Variants in DMP1 observed in about 807,000 individuals in gnomAD.
DMP1 encodes dentin matrix acidic phosphoprotein 1.
Under a neutral mutation model 14.6 loss-of-function variants are expected in DMP1, and 20 were observed. That is an observed-to-expected ratio of 1.37 (90% CI 0.96 to 1.99). The LOEUF (loss-of-function observed/expected upper bound fraction) is 1.99, where lower values mean the gene tolerates loss of function less well. Ranked by LOEUF, DMP1 falls within the 30% of genes most tolerant of loss-of-function variation. DMP1 has a pLI of 0.00. For synonymous variants in DMP1, 197 were observed against 215.3 expected, an observed-to-expected ratio of 0.91 and a Z score of 0.75; for missense variants, 567 against 620.5, an observed-to-expected ratio of 0.91 and a Z score of 0.92.
chr4:87,656,637 G>A (rs961740147), intron 2 of DMP1, 91 bp downstream of exon 2: 88 of 854,492 alleles, frequency 1.0e-4, no homozygotes, highest in Non-Finnish European at 1.6e-4. Flanking sequence ...GGCTGTGTAT[G>A]TTCCAGTCCA....
intron 1 of DMP1, among the ~76,000 whole-genome samples, chr4:87,655,006 C>T (rs1362821218): frequency 6.6e-6 from 1 of 152,090 alleles, no homozygotes; most frequent in African/African-American, 2.4e-5. Flanking sequence ...AGCCTTTTAT[C>T]CTTGTAGCTA....
At chr4:87,653,404 T>TA (rs1728579821) in intron 1 of DMP1, among the ~76,000 whole-genome samples, 1 of 101,076 alleles carries the variant, frequency 9.9e-6, no homozygotes, top group Non-Finnish European at 2.1e-5. Flanking sequence ...TATATATATA[T>TA]ATATATATAT....
chr4:87,662,988 G>A lies in DMP1; in HGVS notation c.1210G>A (p.Ala404Thr). 1 of 1,614,218 alleles carries A rather than the reference G, an allele frequency of 6.2e-7. No individual in the cohort carries two copies. The highest frequency in any genetic ancestry group is 2.2e-5 in the East Asian group (1 of 44,870). Residue 404 changes from alanine (A) to threonine (T), a missense_variant, in exon 6 of 6, where the codon GCA becomes ACA. Coordinates refer to ENST00000339673, the MANE Select transcript of DMP1 (RefSeq NM_004407.4). ...HSKSESREEQADSESSESLNF... is the reference protein window; with the variant it reads ...HSKSESREEQTDSESSESLNF... ...AAAAAGTGAATCCAGAGAGGAGCAA[G>A]CAGACAGCGAATCCAGTGAGAGCCT...
Position 87,663,483 on chromosome 4 carries a change from A to G in DMP1, c.*163A>G. 1 of 1,027,630 alleles carries G rather than the reference A, an allele frequency of 9.7e-7. No individual in the cohort carries two copies. The highest frequency in any genetic ancestry group is 1.4e-6 in the Non-Finnish European group (1 of 693,280). 63.7% of individuals were successfully genotyped at this position (1,027,630 alleles called of 1,614,324 possible). ...ACATTACACTTGTTTTTAGGGTGTC[A>G]TCATTTCACAGAGGTTTAAATACTG... On this transcript the variant is annotated 3_prime_UTR_variant, in exon 6 of 6. Coordinates refer to ENST00000339673, the MANE Select transcript of DMP1 (RefSeq NM_004407.4).
At position 87,656,268 on chromosome 4, in the gene DMP1, T is replaced by C. The variant is rs577096503; in HGVS notation, c.-21-204T>C. Among the ~76,000 whole-genome samples, 9 of 152,344 alleles carry C rather than the reference T, an allele frequency of 5.9e-5. No homozygotes were observed. The South Asian group carries it at 1.9e-3, about 32-fold the overall frequency. ...TTCACTTAGCATAGTGTTCTCAAGT[T>C]TCCTCTACTCTGCAGCACATGTCAG... On this transcript the variant is annotated intron_variant, in intron 1 of 5. Transcript: ENST00000339673.
chr4:87,660,267 T>C (rs1250597019), intron 5 of DMP1, among the ~76,000 whole-genome samples: 1 of 152,232 alleles, frequency 6.6e-6, no homozygotes, highest in Non-Finnish European at 1.5e-5. Flanking sequence ...AGCATAGAAC[T>C]GGAGAAATGC....
In DMP1 at chr4:87,663,716, C is replaced by A. The variant is rs1416036567; in HGVS notation, c.*396C>A. On this transcript the variant is annotated 3_prime_UTR_variant, in exon 6 of 6. Transcript: ENST00000339673. The stretch of plus-strand genomic sequence containing the variant: ...CCTGAGGAGCGTATAGAAGGACCCA[C>A]AAAGCTACAGAGTTAAAGAGGGATA... The A allele has an allele frequency of 6.4e-6, 2 of 314,178 alleles. No individual in the cohort carries two copies. Among genetic ancestry groups the A allele is most frequent in the South Asian group, 3.0e-5 (1 of 33,642 alleles). 19.5% of individuals were successfully genotyped at this position (314,178 alleles called of 1,614,324 possible).
chr4:87,650,815 AT>A (rs913638314), intron 1 of DMP1, among the ~76,000 whole-genome samples: 19 of 152,060 alleles, frequency 1.2e-4, no homozygotes, highest in Admixed American at 7.9e-4. Context: ...TTTAAAAAGA[AT>A]TTTTTTTAAA....
At chr4:87,657,255 T>TG (rs1309355035) in intron 3 of DMP1, 176 bp downstream of exon 3, 2 of 518,142 alleles carry the variant, frequency 3.9e-6, no homozygotes, top group Non-Finnish European at 7.0e-6. Context: ...TAGTATACTC[T>TG]GGCAAGGAAG....
chr4:87,662,131 A>G lies in DMP1; in HGVS notation c.353A>G (p.Asp118Gly). 1 of 1,614,228 alleles carries G rather than the reference A, an allele frequency of 6.2e-7. No homozygotes were observed. The highest frequency in any genetic ancestry group is 8.5e-7 in the Non-Finnish European group (1 of 1,180,046). Residue 118 changes from aspartate (D) to glycine (G), a missense_variant, in exon 6 of 6, where the codon GAC becomes GGC. Transcript: ENST00000339673. ...DSGDDTFGDD[D>G]SGPGPKDRQE... ...GGAGATGACACCTTTGGTGACGATG[A>G]CAGTGGCCCAGGGCCCAAAGACAGA...
At chr4:87,660,615 G>C (rs1728833397) in intron 5 of DMP1, 1 of 152,234 alleles carries the variant, frequency 6.6e-6, no homozygotes. Context: ...GGTAAAGAGA[G>C]CAGATATTTT....
intron 1 of DMP1, among the ~76,000 whole-genome samples, chr4:87,653,696 G>A (rs1433295554): frequency 1.3e-5 from 2 of 151,740 alleles, no homozygotes; most frequent in Non-Finnish European, 2.9e-5. Context: ...TATTGCCCTG[G>A]GATGGGATTT....
intron 1 of DMP1, among the ~76,000 whole-genome samples, chr4:87,655,215 G>T (rs1158832527): frequency 1.3e-5 from 2 of 152,224 alleles, no homozygotes; most frequent in East Asian, 3.8e-4. Flanking sequence ...AAGTTCATCA[G>T]ACAAGTATGC....
chr4:87,662,414 T>G lies in DMP1; in HGVS notation c.636T>G (p.Asp212Glu). The change falls in exon 6 of 6, where the codon GAT becomes GAG. Residue 212 changes from aspartate to glutamate, a missense_variant. By Grantham distance (45) the Asp-to-Glu change is conservative (BLOSUM62 2). Transcript: ENST00000339673. ...ATGGAGACGGCTCCGAGTTGGACGA[T>G]GAGGGAATGCAGAGTGATGACCCAG... is the stretch of plus-strand genomic sequence containing the variant. ...SSHGDGSELDDEGMQSDDPES... is the reference protein window; with the variant it reads ...SSHGDGSELDEEGMQSDDPES... 6.2e-7 allele frequency: 1 copy of G among 1,613,912 alleles called. No individual in the cohort carries two copies. Among genetic ancestry groups the G allele is most frequent in the Non-Finnish European group, 8.5e-7 (1 of 1,179,982 alleles).
intron 1 of DMP1, among the ~76,000 whole-genome samples, chr4:87,651,163 T>G (rs1728523118): frequency 6.6e-6 from 1 of 152,166 alleles, no homozygotes; most frequent in South Asian, 2.1e-4. Flanking sequence ...TTAACCATAC[T>G]TTCTGTTTAA....
chr4:87,656,160 A>T (rs554712900), intron 1 of DMP1, among the ~76,000 whole-genome samples: 3 of 152,118 alleles, frequency 2.0e-5, no homozygotes, highest in Admixed American at 1.3e-4. Context: ...CCACTAGTCT[A>T]CTTTTTGTCT....
At chr4:87,656,831 CA>C (rs1205294937) in intron 2 of DMP1, among the ~76,000 whole-genome samples, 200 bp from the exon 3 acceptor site, 9 of 152,294 alleles carry the variant, frequency 5.9e-5, no homozygotes, top group Non-Finnish European at 1.2e-4. Context: ...GTTAGAAATC[CA>C]AATTCTTGGA....
At chr4:87,650,799 C>T (rs1019870438) in intron 1 of DMP1, among the ~76,000 whole-genome samples, 3 of 151,786 alleles carry the variant, frequency 2.0e-5, no homozygotes, top group Non-Finnish European at 4.4e-5. Context: ...TATTGAATGG[C>T]AGGACTTTAA....
intron 1 of DMP1, among the ~76,000 whole-genome samples, chr4:87,652,956 A>C (rs1028481758): frequency 1.3e-5 from 2 of 152,210 alleles, no homozygotes; most frequent in Non-Finnish European, 2.9e-5. Context: ...GCTTTCCTGA[A>C]GAAATAAACC....
Sources: allele counts gnomAD v4.1 joint callset (sites outside exome capture counted in the v4.1 genomes callset), GRCh38; gene constraint gnomAD v4.1.1; transcripts MANE v1.5; gene names NCBI Gene and HGNC (gene_info 2026-07-23, HGNC 2026-07-21).